The following ENOX1 variants were observed in gnomAD, a reference collection of about 807,000 sequenced individuals.
ENOX1 encodes candidate growth-related and time keeping constitutive hydroquinone (NADH) oxidase.
ENOX1 carries 42 observed loss-of-function variants against 82.5 expected under a neutral mutation model. The ratio of observed to expected loss-of-function variants is 0.51; its 90% confidence interval spans 0.40 to 0.66. ENOX1 has a LOEUF of 0.66. ENOX1 is among the 30% of genes least tolerant of loss of function. ENOX1 has a pLI of 0.00. For missense variants in ENOX1, 608 were observed against 811.6 expected, an observed-to-expected ratio of 0.75 and a Z score of 3.05; for synonymous variants, 271 against 282.2, an observed-to-expected ratio of 0.96 and a Z score of 0.40.
intron 3 of ENOX1, among the ~76,000 whole-genome samples, chr13:43,446,291 T>C (rs966742412): frequency 6.6e-6 from 1 of 151,940 alleles, no homozygotes; most frequent in African/African-American, 2.4e-5. Flanking sequence ...ATTTGTGGAG[T>C]GACTACAGCA....
intron 14 of ENOX1, among the ~76,000 whole-genome samples, chr13:43,243,579 C>T (rs1411872344): frequency 6.6e-6 from 1 of 152,218 alleles, no homozygotes; most frequent in Non-Finnish European, 1.5e-5. Flanking sequence ...TGAGCCACTG[C>T]ACCTGGCAGA....
In ENOX1 at chr13:43,298,540, A is replaced by G. The variant is rs548919493; in HGVS notation, c.1262-10T>C. The G allele has an allele frequency of 1.0e-5, 16 of 1,603,770 alleles. No individual in the cohort carries two copies. The East Asian group carries it at 1.6e-4, about 16-fold the overall frequency. The stretch of plus-strand genomic sequence containing the variant: ...GCCTGGGCAGCCAGGGCTGAGGGAC[A>G]AACAGAACGAGTTCAGGTGAGCTAC... On this transcript the variant is annotated splice_polypyrimidine_tract_variant and intron_variant, in intron 11 of 16. Transcript: ENST00000690772.
intron 2 of ENOX1, among the ~76,000 whole-genome samples, chr13:43,595,272 T>A (rs566916442): frequency 6.6e-6 from 1 of 152,000 alleles, no homozygotes; most frequent in South Asian, 2.1e-4. Flanking sequence ...AACGAATTAT[T>A]TACATTTTCT....
intron 1 of ENOX1, among the ~76,000 whole-genome samples, chr13:43,785,709 T>G (rs1295052584): frequency 6.6e-6 from 1 of 152,140 alleles, no homozygotes; most frequent in Non-Finnish European, 1.5e-5. Flanking sequence ...TCGACCCCAC[T>G]TTCCCCATGT....
intron 2 of ENOX1, among the ~76,000 whole-genome samples, chr13:43,538,059 G>A (rs1428376172): frequency 6.6e-6 from 1 of 152,200 alleles, no homozygotes; most frequent in Non-Finnish European, 1.5e-5. Context: ...AGTGCTCTTA[G>A]CGCTAGCTGA....
At chr13:43,711,630 G>A (rs1184596043) in intron 1 of ENOX1, among the ~76,000 whole-genome samples, 2 of 151,950 alleles carry the variant, frequency 1.3e-5, no homozygotes, top group Non-Finnish European at 2.9e-5. Flanking sequence ...GTGTGAGATG[G>A]TATCTCATTG....
chr13:43,683,333 A>G (rs1006810951), intron 1 of ENOX1, among the ~76,000 whole-genome samples: 1 of 152,098 alleles, frequency 6.6e-6, no homozygotes, highest in Non-Finnish European at 1.5e-5. Context: ...CTCAGAAGGG[A>G]CTGCAGTGTC....
Position 43,339,410 on chromosome 13 carries a change from A to G in ENOX1, c.1036+5128T>C, listed in dbSNP as rs2048928610. Among the ~76,000 whole-genome samples, 3 of 152,146 alleles carry G rather than the reference A, an allele frequency of 2.0e-5. 1 individual carries two copies. The South Asian group carries it at 6.2e-4, about 32-fold the overall frequency. Reference sequence around the variant, plus strand: ...TCACATCTGAAGTTTCCCTTGTCCTATTCAACCAATTGGTTATTTCCAGCC... The same window carrying G: ...TCACATCTGAAGTTTCCCTTGTCCTGTTCAACCAATTGGTTATTTCCAGCC... On this transcript the variant is annotated intron_variant, in intron 9 of 16. Transcript: ENST00000690772.
chr13:43,616,688 T>C (rs1331010314), intron 2 of ENOX1, among the ~76,000 whole-genome samples: 1 of 152,188 alleles, frequency 6.6e-6, no homozygotes, highest in African/African-American at 2.4e-5. Flanking sequence ...CATGTTATCA[T>C]TTAACATGAT....
At chr13:43,654,631 A>T (rs142986393) in intron 2 of ENOX1, among the ~76,000 whole-genome samples, 30 of 152,358 alleles carry the variant, frequency 2.0e-4, no homozygotes, top group East Asian at 1.7e-3. Flanking sequence ...GCAGTGCAGA[A>T]TTTACTGGAA....
At position 43,375,482 on chromosome 13, in the gene ENOX1, C is replaced by T. The variant is rs559170641; in HGVS notation, c.209-14030G>A. Among the ~76,000 whole-genome samples, 9 of 152,284 alleles carry T rather than the reference C, an allele frequency of 5.9e-5. No individual in the cohort carries two copies. The South Asian group carries it at 8.3e-4, about 14-fold the overall frequency. On this transcript the variant is annotated intron_variant, in intron 5 of 16. Transcript: ENST00000690772. ...TTACGTACAAGTTTGCTAGGCAAGA[C>T]GCTGGGGGCATAGAGGTAAGTCAGG...
chr13:43,670,566 A>G (rs1437056825), intron 1 of ENOX1, among the ~76,000 whole-genome samples: 1 of 152,166 alleles, frequency 6.6e-6, no homozygotes, highest in Non-Finnish European at 1.5e-5. Context: ...ATTTGAAGGA[A>G]AATAGGGCTG....
At chr13:43,476,585 C>T (rs2058295545) in intron 3 of ENOX1, among the ~76,000 whole-genome samples, 1 of 152,138 alleles carries the variant, frequency 6.6e-6, no homozygotes, top group African/African-American at 2.4e-5. Flanking sequence ...ATAACCCCTT[C>T]TTCCTTCTTT....
At chr13:43,781,972 C>T (rs913020797) in intron 1 of ENOX1, among the ~76,000 whole-genome samples, 1 of 152,188 alleles carries the variant, frequency 6.6e-6, no homozygotes, top group Non-Finnish European at 1.5e-5. Flanking sequence ...TTTTAGCAAT[C>T]ATCCCATTTG....
chr13:43,314,205 C>A (rs1366283517), intron 11 of ENOX1, among the ~76,000 whole-genome samples: 3 of 152,166 alleles, frequency 2.0e-5, no homozygotes, highest in Non-Finnish European at 2.9e-5. Context: ...ATATCAAGAG[C>A]ATTCAGTCAA....
intron 1 of ENOX1, among the ~76,000 whole-genome samples, chr13:43,707,731 C>CAAAAAAAA (rs1379285097): frequency 2.4e-4 from 12 of 49,220 alleles, no homozygotes; most frequent in Non-Finnish European, 3.4e-4. Flanking sequence ...GACTCTGTCT[C>CAAAAAAAA]AAAAAAAAAA....
intron 14 of ENOX1, among the ~76,000 whole-genome samples, chr13:43,249,278 C>A (rs914160941): frequency 6.6e-6 from 1 of 152,108 alleles, no homozygotes; most frequent in Non-Finnish European, 1.5e-5. Context: ...TGAAAAAATA[C>A]ACTTGATCTC....
intron 16 of ENOX1, among the ~76,000 whole-genome samples, chr13:43,221,727 C>A (rs2041799409): frequency 6.6e-6 from 1 of 152,152 alleles, no homozygotes; most frequent in African/African-American, 2.4e-5. Flanking sequence ...GTGCAATGTA[C>A]ATGCCCGGCA....
intron 2 of ENOX1, among the ~76,000 whole-genome samples, chr13:43,488,204 A>C: frequency 6.6e-6 from 1 of 152,182 alleles, no homozygotes. Context: ...TAGTGTGAAG[A>C]GGTATAGCCT....
Sources: allele counts gnomAD v4.1 joint callset (sites outside exome capture counted in the v4.1 genomes callset), GRCh38; gene constraint gnomAD v4.1.1; transcripts MANE v1.5; gene names NCBI Gene and HGNC (gene_info 2026-07-23, HGNC 2026-07-21).